SLIT2: variants seen among roughly 807,000 people sequenced by gnomAD.
SLIT2 encodes slit guidance ligand 2, also known as slit homolog 2 protein.
A neutral mutation model predicts 185.7 loss-of-function variants in SLIT2; 41 were observed. The observed-to-expected ratio is 0.22, with a 90% CI of 0.17 to 0.29. The LOEUF is 0.29. Ranked by LOEUF, SLIT2 falls within the 10% of genes least tolerant of loss-of-function variation. The probability of loss-of-function intolerance (pLI) is 1.00; values close to 1 mark genes in which losing one functional copy is unlikely to be tolerated. For synonymous variants in SLIT2, 693 were observed against 680.2 expected, an observed-to-expected ratio of 1.02 and a Z score of -0.29; for missense variants, 1,571 against 1,909.0, an observed-to-expected ratio of 0.82 and a Z score of 3.30.
rs368384692 is a variant in SLIT2 at position 20,355,220 on chromosome 4, T to A, written c.395+86339T>A. On this transcript the variant is annotated intron_variant, in intron 4 of 36. Transcript: ENST00000504154. ...GTGTAATGCATTTCTTCTGGCTGAA[T>A]GAATATTAAATCATACTGCTTAACA... 3.9e-5 allele frequency among the ~76,000 whole-genome samples: 6 copies of A among 152,292 alleles called. No homozygotes were observed. In the East Asian group the frequency reaches 9.7e-4, roughly 25 times the overall value.
intron 34 of SLIT2, among the ~76,000 whole-genome samples, chr4:20,610,845 G>T (rs564496071): frequency 6.6e-6 from 1 of 152,160 alleles, no homozygotes; most frequent in Non-Finnish European, 1.5e-5. Context: ...ATAGAGTGAA[G>T]ACCCTGGGCT....
chr4:20,347,505 G>A (rs1721527277), intron 4 of SLIT2, among the ~76,000 whole-genome samples: 2 of 152,078 alleles, frequency 1.3e-5, no homozygotes, highest in Non-Finnish European at 2.9e-5. Flanking sequence ...GTAGGCACTG[G>A]GTGACAGGCA....
intron 3 of SLIT2, 60 bp downstream of exon 3, chr4:20,257,999 A>T (rs61790829): frequency 0.26 from 216,240 of 836,330 alleles, 31,593 homozygotes; most frequent in Middle Eastern, 0.37. Context: ...AAATACTTAA[A>T]TTTCAAGCAT....
At chr4:20,351,312 G>A (rs1449461555) in intron 4 of SLIT2, among the ~76,000 whole-genome samples, 3 of 152,176 alleles carry the variant, frequency 2.0e-5, no homozygotes, top group South Asian at 4.1e-4. Flanking sequence ...GCCTGCCAAA[G>A]TGCTGGGATT....
intron 3 of SLIT2, among the ~76,000 whole-genome samples, chr4:20,260,101 A>C (rs981412962): frequency 6.6e-6 from 1 of 151,872 alleles, no homozygotes; most frequent in African/African-American, 2.4e-5. Flanking sequence ...ACTATTTTAA[A>C]TTTTGTTCAT....
At chr4:20,366,258 G>T (rs540540084) in intron 4 of SLIT2, among the ~76,000 whole-genome samples, 2 of 151,984 alleles carry the variant, frequency 1.3e-5, no homozygotes, top group South Asian at 2.1e-4. Flanking sequence ...TTCTGAAACT[G>T]GTTCTCAACA....
At chr4:20,398,403 A>G (rs1306693131) in intron 4 of SLIT2, among the ~76,000 whole-genome samples, 2 of 151,856 alleles carry the variant, frequency 1.3e-5, no homozygotes, top group African/African-American at 4.8e-5. Flanking sequence ...TGAGACATCA[A>G]GAAATAGAGA....
At chr4:20,549,159 T>TGAGAAAAGAGA in intron 24 of SLIT2, 31 bp downstream of exon 24, 1 of 1,351,350 alleles carries the variant, frequency 7.4e-7, no homozygotes, top group Non-Finnish European at 1.1e-6. Flanking sequence ...AGAATATCTC[T>TGAGAAAAGAGA]TTTCTCAGAG....
At chr4:20,259,517 T>G (rs1221654672) in intron 3 of SLIT2, among the ~76,000 whole-genome samples, 22 of 151,700 alleles carry the variant, frequency 1.5e-4, no homozygotes, top group Admixed American at 1.4e-3. Context: ...GGTTATATTG[T>G]TGTTTTAAAT....
chr4:20,496,662 C>G (rs187082991), intron 9 of SLIT2, among the ~76,000 whole-genome samples: 31 of 152,244 alleles, frequency 2.0e-4, no homozygotes, highest in Non-Finnish European at 7.4e-5. Context: ...AAATATCTAT[C>G]TCTTCTACTG....
Position 20,527,502 on chromosome 4 carries a change from G to A in SLIT2, c.1463-1447G>A, listed in dbSNP as rs550491476. Among the ~76,000 whole-genome samples, 7 of 152,236 alleles carry A rather than the reference G, an allele frequency of 4.6e-5. No homozygotes were observed. The South Asian group carries it at 1.0e-3, about 23-fold the overall frequency. On this transcript the variant is annotated intron_variant, in intron 15 of 36. Coordinates refer to ENST00000504154, the MANE Select transcript of SLIT2 (RefSeq NM_004787.4). ...GGGTTTTCACCCGTCAGGTGAAATG[G>A]TCTTGACTTCCTGACCTTGTGATCC...
Position 20,482,634 on chromosome 4 carries a change from A to G in SLIT2, c.539+1847A>G, listed in dbSNP as rs191210011. Among the ~76,000 whole-genome samples the G allele has an allele frequency of 1.1e-3, 170 of 152,080 alleles. 1 individual carries two copies. Among genetic ancestry groups the G allele is most frequent in the Middle Eastern group, 3.4e-3 (1 of 294 alleles). ...TGACATTTTATGGTTCATGGAATTA[A>G]AATAGAAATCCAAAATCTTGGAAAC... On this transcript the variant is annotated intron_variant, in intron 6 of 36. Coordinates refer to ENST00000504154, the MANE Select transcript of SLIT2 (RefSeq NM_004787.4).
Position 20,531,248 on chromosome 4 carries a change from A to T in SLIT2, c.1614-736A>T, listed in dbSNP as rs189571964. On this transcript the variant is annotated intron_variant, in intron 16 of 36. Coordinates refer to ENST00000504154, the MANE Select transcript of SLIT2 (RefSeq NM_004787.4). ...CAAATGCCTCCTAACTGATAAATGG[A>T]TAAACAAATGTGTCATGCCTGTGTA... Among the ~76,000 whole-genome samples the T allele has an allele frequency of 3.8e-4, 58 of 152,318 alleles. 1 individual carries two copies. The East Asian group carries it at 6.2e-3, about 16-fold the overall frequency.
intron 4 of SLIT2, among the ~76,000 whole-genome samples, chr4:20,298,163 A>G (rs916907749): frequency 3.3e-5 from 5 of 149,270 alleles, no homozygotes; most frequent in African/African-American, 5.0e-5. Context: ...ATCTCGGCTC[A>G]CTGCAACCTC....
rs1281133265 is a variant in SLIT2, at chr4:20,612,897, G to A, written c.3847+2730G>A. Among the ~76,000 whole-genome samples, 4 of 123,492 alleles carry A rather than the reference G, an allele frequency of 3.2e-5. 1 individual carries two copies. In the South Asian group the frequency reaches 8.0e-4, roughly 25 times the overall value. The allele number at this position is 123,492 out of a possible 152,430, so 81.0% of individuals were successfully genotyped here. A position where few individuals can be genotyped will look rare whatever the true frequency, so the allele number is the denominator to read the frequency against. ...CGCACCACTGCACTCCAGCCTGGGC[G>A]ACAATGGGAGACTCCATCTCCAAAA... On this transcript the variant is annotated intron_variant, in intron 34 of 36. Transcript: ENST00000504154.
chr4:20,468,466 T>A (rs924662695), intron 5 of SLIT2, among the ~76,000 whole-genome samples: 16 of 152,062 alleles, frequency 1.1e-4, no homozygotes, highest in Non-Finnish European at 1.8e-4. Flanking sequence ...ATAGCATCCT[T>A]TAAAAAAATG....
chr4:20,370,128 G>C (rs1277278786), intron 4 of SLIT2, among the ~76,000 whole-genome samples: 1 of 151,928 alleles, frequency 6.6e-6, no homozygotes, highest in African/African-American at 2.4e-5. Flanking sequence ...TTTGTGATCT[G>C]ATAAAGTTTG....
rs150335269 is a variant in SLIT2 at position 20,337,265 on chromosome 4, G to A, written c.395+68384G>A. 5.9e-5 allele frequency among the ~76,000 whole-genome samples: 9 copies of A among 152,276 alleles called. No individual in the cohort carries two copies. In the East Asian group the frequency reaches 1.7e-3, roughly 29 times the overall value. On this transcript the variant is annotated intron_variant, in intron 4 of 36. Coordinates refer to ENST00000504154, the MANE Select transcript of SLIT2 (RefSeq NM_004787.4). ...CATGGCGGAAGGCAAGGAGGAGCAA[G>A]TGACATCTTACATGGATGGCAGCAG...
chr4:20,252,988 G>T lies in SLIT2; in HGVS notation c.-828G>T, dbSNP rs544976261. On this transcript the variant is annotated 5_prime_UTR_variant, in exon 1 of 37. Coordinates refer to ENST00000504154, the MANE Select transcript of SLIT2 (RefSeq NM_004787.4). ...TCTGCCCGGCTGCGGCGGCCCGACT[G>T]CCCTTTTGTCTTTTCTGCGTGACCT... Among the ~76,000 whole-genome samples, 64 of 152,338 alleles carry T rather than the reference G, an allele frequency of 4.2e-4. 1 individual carries two copies. The South Asian group carries it at 7.5e-3, about 18-fold the overall frequency.
Sources: allele counts gnomAD v4.1 joint callset (sites outside exome capture counted in the v4.1 genomes callset), GRCh38; gene constraint gnomAD v4.1.1; transcripts MANE v1.5; gene names NCBI Gene and HGNC (gene_info 2026-07-23, HGNC 2026-07-21).